Variants in ADAMTSL1 observed in about 807,000 individuals in gnomAD.
The protein encoded by ADAMTSL1 is ADAMTS like 1.
ADAMTSL1 carries 126 observed loss-of-function variants against 201.8 expected under a neutral mutation model. The observed-to-expected ratio is 0.62, with a 90% CI of 0.54 to 0.72. The LOEUF is 0.72. ADAMTSL1 is among the 30% of genes least tolerant of loss of function. The pLI is 0.00. For missense variants in ADAMTSL1, 2,679 were observed against 2,277.8 expected (o/e 1.18, Z -3.59); for synonymous variants, 1,121 against 903.4 (o/e 1.24, Z -4.32).
intron 1 of ADAMTSL1, among the ~76,000 whole-genome samples, chr9:17,916,922 C>T (rs745705029): frequency 5.9e-5 from 9 of 152,064 alleles, no homozygotes; most frequent in Admixed American, 1.3e-4. Flanking sequence ...ATGAAAACCT[C>T]TGTAGTTAGG....
chr9:18,817,160 C>T lies in ADAMTSL1; in HGVS notation c.3857C>T (p.Pro1286Leu). ...ATGACAGTGATCAACACGGAGAAGC[C>T]TGCAGTCACAGTCGATATAGGAAGC... Reference protein sequence around the residue: ...SRMTVINTEKPAVTVDIGSTI... With the variant: ...SRMTVINTEKLAVTVDIGSTI... The change falls in exon 21 of 29, where the codon CCT becomes CTT. Residue 1286 changes from proline to leucine, a missense_variant. Pro to Leu is a moderately conservative substitution (Grantham distance 98). Coordinates refer to ENST00000380548, the MANE Select transcript of ADAMTSL1 (RefSeq NM_001040272.6). The T allele has an allele frequency of 1.3e-6, 2 of 1,598,718 alleles. No individual in the cohort carries two copies. Among genetic ancestry groups the T allele is most frequent in the Non-Finnish European group, 8.5e-7 (1 of 1,172,442 alleles).
intron 4 of ADAMTSL1, among the ~76,000 whole-genome samples, chr9:18,575,587 A>G (rs568336530): frequency 1.2e-3 from 183 of 152,200 alleles, no homozygotes; most frequent in Non-Finnish European, 2.3e-3. Flanking sequence ...AAAAATCTTT[A>G]GGAATAGTAG....
chr9:18,115,273 C>G (rs897356412), intron 1 of ADAMTSL1, among the ~76,000 whole-genome samples: 42 of 152,064 alleles, frequency 2.8e-4, no homozygotes, highest in African/African-American at 1.0e-3. Flanking sequence ...AAAAATAACA[C>G]TAAACCTTAC....
intron 15 of ADAMTSL1, among the ~76,000 whole-genome samples, chr9:18,728,322 A>G (rs1468257924): frequency 2.0e-5 from 3 of 152,158 alleles, no homozygotes; most frequent in Non-Finnish European, 4.4e-5. Flanking sequence ...TGGTTTCTTA[A>G]CATCTATGTG....
intron 1 of ADAMTSL1, among the ~76,000 whole-genome samples, chr9:17,971,910 A>G (rs1818220445): frequency 6.6e-6 from 1 of 151,810 alleles, no homozygotes. Context: ...CTCTCTCCCT[A>G]TATCCTTCAT....
intron 2 of ADAMTSL1, among the ~76,000 whole-genome samples, chr9:18,343,367 C>T (rs1835557281): frequency 6.6e-6 from 1 of 152,012 alleles, no homozygotes; most frequent in Non-Finnish European, 1.5e-5. Context: ...TGTTTGCATA[C>T]TAATATCTAA....
At chr9:18,453,307 A>G (rs1241844102) in intron 2 of ADAMTSL1, among the ~76,000 whole-genome samples, 1 of 152,096 alleles carries the variant, frequency 6.6e-6, no homozygotes, top group African/African-American at 2.4e-5. Context: ...TGGTCTCTCC[A>G]AACCATTCTG....
At chr9:17,941,877 G>A (rs1238895406) in intron 1 of ADAMTSL1, among the ~76,000 whole-genome samples, 2 of 152,054 alleles carry the variant, frequency 1.3e-5, no homozygotes, top group African/African-American at 2.4e-5. Flanking sequence ...CTTCATAGAA[G>A]GCTGGCTTCT....
intron 2 of ADAMTSL1, among the ~76,000 whole-genome samples, chr9:18,353,811 C>T (rs895828799): frequency 6.6e-6 from 1 of 152,026 alleles, no homozygotes; most frequent in Non-Finnish European, 1.5e-5. Flanking sequence ...ATTCAATCTC[C>T]TTTTCCTCCA....
intron 26 of ADAMTSL1, among the ~76,000 whole-genome samples, chr9:18,903,604 T>A (rs1261967755): frequency 6.6e-6 from 1 of 152,172 alleles, no homozygotes; most frequent in Non-Finnish European, 1.5e-5. Context: ...ATAATGAATG[T>A]CAAGGTTGAC....
At chr9:18,817,837 T>C (rs978159708) in intron 21 of ADAMTSL1, among the ~76,000 whole-genome samples, 6 of 152,132 alleles carry the variant, frequency 3.9e-5, no homozygotes, top group African/African-American at 7.2e-5. Flanking sequence ...ATGAGAAAGA[T>C]GGCAAGAGGT....
chr9:18,397,930 G>C (rs1351042095), intron 2 of ADAMTSL1, among the ~76,000 whole-genome samples: 1 of 152,074 alleles, frequency 6.6e-6, no homozygotes, highest in African/African-American at 2.4e-5. Flanking sequence ...CATAAAGATG[G>C]AATATTTTAG....
chr9:18,435,653 G>A (rs909071379), intron 2 of ADAMTSL1, among the ~76,000 whole-genome samples: 1 of 152,164 alleles, frequency 6.6e-6, no homozygotes, highest in Non-Finnish European at 1.5e-5. Context: ...AGAGAGCAGA[G>A]GAATGTGGTG....
chr9:18,847,701 C>G (rs117597083), intron 23 of ADAMTSL1, among the ~76,000 whole-genome samples: 2 of 152,138 alleles, frequency 1.3e-5, no homozygotes, highest in African/African-American at 4.8e-5. Context: ...AGAATGAGTG[C>G]GGAGTTCCGC....
At chr9:18,377,723 C>T (rs956689523) in intron 2 of ADAMTSL1, among the ~76,000 whole-genome samples, 4 of 152,068 alleles carry the variant, frequency 2.6e-5, no homozygotes, top group Non-Finnish European at 4.4e-5. Context: ...CGTGCCACCA[C>T]GCCCGGTTAA....
intron 2 of ADAMTSL1, among the ~76,000 whole-genome samples, chr9:18,261,104 G>A (rs1358876343): frequency 6.8e-6 from 1 of 146,944 alleles, no homozygotes; most frequent in Non-Finnish European, 1.5e-5. Flanking sequence ...GGAAGATAGA[G>A]AGACCTGCTG....
chr9:17,970,519 T>A (rs1203536867), intron 1 of ADAMTSL1, among the ~76,000 whole-genome samples: 2 of 152,006 alleles, frequency 1.3e-5, no homozygotes, highest in African/African-American at 4.8e-5. Context: ...TTGTCACCTT[T>A]AACTTGATGC....
chr9:18,650,507 A>C (rs1006749831), intron 7 of ADAMTSL1, among the ~76,000 whole-genome samples: 3 of 152,102 alleles, frequency 2.0e-5, no homozygotes, highest in Admixed American at 6.6e-5. Flanking sequence ...AGTTGTAGAC[A>C]GGAGCTGTTC....
intron 1 of ADAMTSL1, among the ~76,000 whole-genome samples, chr9:17,918,142 G>A (rs1826174299): frequency 1.3e-5 from 2 of 151,362 alleles, no homozygotes; most frequent in African/African-American, 4.8e-5. Context: ...TGTTGTTTTT[G>A]TTTTCTATTT....
Sources: allele counts gnomAD v4.1 joint callset (sites outside exome capture counted in the v4.1 genomes callset), GRCh38; gene constraint gnomAD v4.1.1; transcripts MANE v1.5; gene names NCBI Gene and HGNC (gene_info 2026-07-23, HGNC 2026-07-21).